Variants in ZNF804B observed in about 807,000 individuals in gnomAD.
ZNF804B encodes the protein zinc finger 804B.
In ZNF804B, 80 loss-of-function variants were observed where a neutral mutation model predicts 101.4. The ratio of observed to expected loss-of-function variants is 0.79; its 90% confidence interval spans 0.66 to 0.95. The LOEUF (loss-of-function observed/expected upper bound fraction) is 0.95. Ranked by LOEUF, ZNF804B falls within the 40% of genes least tolerant of loss-of-function variation. The probability of loss-of-function intolerance (pLI) is 0.00; values close to 1 mark genes in which losing one functional copy is unlikely to be tolerated. For missense variants in ZNF804B, 1,673 were observed against 1,561.9 expected, an observed-to-expected ratio of 1.07 and a Z score of -1.20; for synonymous variants, 622 against 558.8, an observed-to-expected ratio of 1.11 and a Z score of -1.59.
At chr7:89,097,286 T>G (rs574157994) in intron 1 of ZNF804B, among the ~76,000 whole-genome samples, 6 of 152,232 alleles carry the variant, frequency 3.9e-5, no homozygotes, top group African/African-American at 1.4e-4. Context: ...AATTTACTTG[T>G]ACATGGCTCA....
At position 89,021,591 on chromosome 7, in the gene ZNF804B, C is replaced by CA. The variant is rs577955591; in HGVS notation, c.109-196563dup. On this transcript the variant is annotated intron_variant, in intron 1 of 3. Transcript: ENST00000333190. Reference sequence around the variant, plus strand: ...CATCACTGCTAGGCCAGTCTGGTGGCATGTTTGCTGGAGGTGGCCTGTCAG... The same window carrying CA: ...CATCACTGCTAGGCCAGTCTGGTGGCAATGTTTGCTGGAGGTGGCCTGTCAG... Among the ~76,000 whole-genome samples the CA allele has an allele frequency of 1.6e-4, 24 of 152,278 alleles. No individual in the cohort carries two copies. In the East Asian group the frequency reaches 4.7e-3, roughly 30 times the overall value.
chr7:88,810,489 C>T (rs1189987715), intron 1 of ZNF804B, among the ~76,000 whole-genome samples: 2 of 144,014 alleles, frequency 1.4e-5, no homozygotes, highest in Admixed American at 7.0e-5. Context: ...CTCATCTCTA[C>T]AAAAGTCCAA....
chr7:88,995,382 T>C (rs1185134418), intron 1 of ZNF804B, among the ~76,000 whole-genome samples: 1 of 152,112 alleles, frequency 6.6e-6, no homozygotes, highest in Non-Finnish European at 1.5e-5. Flanking sequence ...ATTTTAATTT[T>C]ATCAAATTAT....
At chr7:88,952,449 T>A (rs2116071055) in intron 1 of ZNF804B, among the ~76,000 whole-genome samples, 1 of 151,808 alleles carries the variant, frequency 6.6e-6, no homozygotes, top group Admixed American at 6.6e-5. Flanking sequence ...CATAACAAAA[T>A]CATTTTTATG....
At chr7:88,875,072 CGAAAT>C (rs1791906773) in intron 1 of ZNF804B, among the ~76,000 whole-genome samples, 1 of 132,292 alleles carries the variant, frequency 7.6e-6, no homozygotes, top group Non-Finnish European at 1.6e-5. Flanking sequence ...GGGTACATAA[CGAAAT>C]GAAGGCAGAA....
chr7:89,157,928 A>C (rs1158481784), intron 1 of ZNF804B, among the ~76,000 whole-genome samples: 1 of 152,184 alleles, frequency 6.6e-6, no homozygotes, highest in Non-Finnish European at 1.5e-5. Flanking sequence ...TTGAGCAAAT[A>C]ATTTCTTGCT....
At chr7:89,162,705 CAGGTTAGTT>C (rs1422964357) in intron 1 of ZNF804B, among the ~76,000 whole-genome samples, 8 of 150,468 alleles carry the variant, frequency 5.3e-5, no homozygotes, top group African/African-American at 2.0e-4. Flanking sequence ...GCACAATGTG[CAGGTTAGTT>C]ACATATGTAT....
chr7:88,903,347 T>C (rs1792420478), intron 1 of ZNF804B, among the ~76,000 whole-genome samples: 2 of 152,280 alleles, frequency 1.3e-5, no homozygotes, highest in South Asian at 4.1e-4. Flanking sequence ...CTTTATCCAG[T>C]CCACCATTGA....
chr7:88,774,869 C>A (rs1790119422), intron 1 of ZNF804B, among the ~76,000 whole-genome samples: 1 of 152,188 alleles, frequency 6.6e-6, no homozygotes, highest in African/African-American at 2.4e-5. Context: ...GAGCTCTGTG[C>A]TGTTCTTTGT....
At chr7:89,331,520 T>C (rs1790982046) in intron 3 of ZNF804B, among the ~76,000 whole-genome samples, 1 of 151,710 alleles carries the variant, frequency 6.6e-6, no homozygotes, top group Non-Finnish European at 1.5e-5. Context: ...GTAAGGAAGA[T>C]AATACAGCTT....
At chr7:88,935,436 C>T (rs989130039) in intron 1 of ZNF804B, among the ~76,000 whole-genome samples, 6 of 150,484 alleles carry the variant, frequency 4.0e-5, no homozygotes, top group African/African-American at 1.5e-4. Context: ...GCAATCTTAG[C>T]ACTTTGGGAG....
chr7:89,026,025 C>T (rs996135260), intron 1 of ZNF804B, among the ~76,000 whole-genome samples: 24 of 152,196 alleles, frequency 1.6e-4, no homozygotes, highest in African/African-American at 4.3e-4. Flanking sequence ...CTTCCTTCTC[C>T]TTATTACATG....
chr7:88,919,553 G>A (rs1792689097), intron 1 of ZNF804B, among the ~76,000 whole-genome samples: 1 of 152,086 alleles, frequency 6.6e-6, no homozygotes, highest in East Asian at 1.9e-4. Flanking sequence ...GCCTATACAT[G>A]TCAGGAGAAT....
At chr7:88,859,220 T>C (rs1445717350) in intron 1 of ZNF804B, among the ~76,000 whole-genome samples, 1 of 151,930 alleles carries the variant, frequency 6.6e-6, no homozygotes, top group Non-Finnish European at 1.5e-5. Context: ...TGTGTGCTGT[T>C]TCTGTATGGG....
rs769696807 is a variant in ZNF804B at position 89,333,876 on chromosome 7, A to G, written c.894A>G (p.Ile298Met). The G allele has an allele frequency of 2.5e-6, 4 of 1,613,432 alleles. No individual in the cohort carries two copies. The Middle Eastern group carries it at 6.6e-4, about 267-fold the overall frequency. Reference protein sequence around the residue: ...LESVLHNTISINSKILQDKHD... With the variant: ...LESVLHNTISMNSKILQDKHD... ...GTGTTTTACACAATACCATCTCCATAAACTCTAAAATTTTGCAAGACAAAC... is the reference window on the plus strand; with the variant it reads ...GTGTTTTACACAATACCATCTCCATGAACTCTAAAATTTTGCAAGACAAAC... Residue 298 changes from isoleucine (I) to methionine (M), a missense_variant, in exon 4 of 4, where the codon ATA becomes ATG. Physicochemically the swap from Ile to Met is conservative, Grantham distance 10. Transcript: ENST00000333190.
At position 89,103,702 on chromosome 7, in the gene ZNF804B, C is replaced by A. The variant is rs367971008; in HGVS notation, c.109-114453C>A. ...ATAGAGAACTTTGACTTCCTCTTTA[C>A]AATTTGGATTCCTTTTATTTCTTTC... On this transcript the variant is annotated intron_variant, in intron 1 of 3. Transcript: ENST00000333190. Among the ~76,000 whole-genome samples, 9 of 151,872 alleles carry A rather than the reference C, an allele frequency of 5.9e-5. No homozygotes were observed. In the East Asian group the frequency reaches 7.7e-4, roughly 13 times the overall value.
At chr7:89,333,296 A>G in intron 3 of ZNF804B, 67 bp from the exon 4 acceptor site, 1 of 1,365,932 alleles carries the variant, frequency 7.3e-7, no homozygotes, top group South Asian at 1.6e-5. Flanking sequence ...ACACTATGAA[A>G]TGTTCATATG....
intron 1 of ZNF804B, among the ~76,000 whole-genome samples, chr7:89,003,858 C>G (rs888116513): frequency 3.3e-5 from 5 of 151,918 alleles, no homozygotes; most frequent in Non-Finnish European, 5.9e-5. Flanking sequence ...TATGGTACCA[C>G]TTCCTTTATT....
At chr7:88,798,061 T>C (rs1282853734) in intron 1 of ZNF804B, among the ~76,000 whole-genome samples, 1 of 152,052 alleles carries the variant, frequency 6.6e-6, no homozygotes, top group African/African-American at 2.4e-5. Context: ...TCCAAATCTC[T>C]TTTTTAAGAG....
Sources: allele counts gnomAD v4.1 joint callset (sites outside exome capture counted in the v4.1 genomes callset), GRCh38; gene constraint gnomAD v4.1.1; transcripts MANE v1.5; gene names NCBI Gene and HGNC (gene_info 2026-07-23, HGNC 2026-07-21).